The following USP37 variants were observed in gnomAD, a reference collection of about 807,000 sequenced individuals.
USP37 encodes the protein ubiquitin carboxyl-terminal hydrolase 37.
Under a neutral mutation model 124.0 loss-of-function variants are expected in USP37, and 27 were observed. The observed-to-expected ratio is 0.22, with a 90% CI of 0.16 to 0.30. The LOEUF (loss-of-function observed/expected upper bound fraction) is 0.30, where lower values mean the gene tolerates loss of function less well. USP37 is among the 10% of genes least tolerant of loss of function. The pLI is 1.00. For missense variants in USP37, 889 were observed against 1,140.4 expected, an observed-to-expected ratio of 0.78 and a Z score of 3.17; for synonymous variants, 365 against 388.0, an observed-to-expected ratio of 0.94 and a Z score of 0.70.
At chr2:218,521,781 A>G (rs1690635232) in intron 10 of USP37, among the ~76,000 whole-genome samples, 2 of 152,280 alleles carry the variant, frequency 1.3e-5, no homozygotes, top group East Asian at 3.9e-4. Flanking sequence ...AGTAGTCCCC[A>G]TATATGCACA....
intron 21 of USP37, 32 bp from the exon 22 acceptor site, chr2:218,463,398 TAA>T: frequency 6.3e-7 from 1 of 1,599,132 alleles, no homozygotes; most frequent in Non-Finnish European, 8.6e-7. Context: ...CTAAGGTATT[TAA>T]AGAGGTACTG....
intron 9 of USP37, among the ~76,000 whole-genome samples, chr2:218,531,384 T>C (rs1691309909): frequency 6.6e-6 from 1 of 152,244 alleles, no homozygotes; most frequent in Non-Finnish European, 1.5e-5. Context: ...ATTTAATCAA[T>C]ATTTTAAGCC....
intron 20 of USP37, among the ~76,000 whole-genome samples, chr2:218,472,508 G>C (rs984973646): frequency 6.6e-6 from 1 of 151,464 alleles, no homozygotes; most frequent in Non-Finnish European, 1.5e-5. Context: ...TTGTTGCCCA[G>C]GATGAAGTAC....
At chr2:218,465,352 G>A (rs750626588) in intron 21 of USP37, among the ~76,000 whole-genome samples, 30 of 150,644 alleles carry the variant, frequency 2.0e-4, no homozygotes, top group Non-Finnish European at 3.2e-4. Flanking sequence ...CAAAAGGGGA[G>A]GAGTGCTTCA....
chr2:218,491,760 T>C (rs900150122), intron 14 of USP37, among the ~76,000 whole-genome samples: 1 of 152,088 alleles, frequency 6.6e-6, no homozygotes, highest in Non-Finnish European at 1.5e-5. Flanking sequence ...GTATGTTAGA[T>C]AGTGATATAT....
At chr2:218,534,142 A>G (rs995335817) in intron 9 of USP37, among the ~76,000 whole-genome samples, 2 of 152,242 alleles carry the variant, frequency 1.3e-5, no homozygotes, top group African/African-American at 4.8e-5. Context: ...TGGATTTCTA[A>G]TACTTTAAAA....
chr2:218,546,392 T>TGAAGGACAGGAAATAATACA, intron 7 of USP37, 94 bp from the exon 8 acceptor site: 1 of 768,574 alleles, frequency 1.3e-6, no homozygotes, highest in Non-Finnish European at 2.1e-6. Flanking sequence ...GAAATGGGAC[T>TGAAGGACAGGAAATAATACA]ACTATTATCT....
At chr2:218,557,333 C>T (rs1188066814) in intron 4 of USP37, among the ~76,000 whole-genome samples, 2 of 151,864 alleles carry the variant, frequency 1.3e-5, no homozygotes, top group African/African-American at 2.4e-5. Flanking sequence ...TACTCACTGC[C>T]AAATTGGGCT....
intron 10 of USP37, among the ~76,000 whole-genome samples, chr2:218,524,832 A>C (rs991691470): frequency 6.6e-6 from 1 of 152,026 alleles, no homozygotes; most frequent in Admixed American, 6.6e-5. Flanking sequence ...CTGGTCTCGA[A>C]CTCCTGACCT....
intron 18 of USP37, among the ~76,000 whole-genome samples, chr2:218,477,182 T>C (rs10498059): frequency 0.034 from 5,205 of 152,350 alleles, 119 homozygotes; most frequent in East Asian, 0.12. Flanking sequence ...ACAACTCTTA[T>C]GCTACTACGT....
chr2:218,490,959 G>A (rs1045815476), intron 14 of USP37, among the ~76,000 whole-genome samples: 2 of 152,054 alleles, frequency 1.3e-5, no homozygotes, highest in African/African-American at 4.8e-5. Context: ...CTACAGCCTC[G>A]ACCTCCCAGG....
At position 218,562,665 on chromosome 2, in the gene USP37, T is replaced by A; in HGVS notation, c.-89+8A>T. 1 of 398,410 alleles carries A rather than the reference T, an allele frequency of 2.5e-6. No individual in the cohort carries two copies. The highest frequency in any genetic ancestry group is 4.4e-6 in the Non-Finnish European group (1 of 225,976). 24.7% of individuals were successfully genotyped at this position (398,410 alleles called of 1,614,324 possible). ...GAAACATATATCCAAAACAAAAACA[T>A]TACTTACTTTTCAGTGACTTTTACC... On this transcript the variant is annotated splice_region_variant and intron_variant, in intron 2 of 25. Transcript: ENST00000258399.
At chr2:218,527,371 A>G (rs770663627) in intron 10 of USP37, among the ~76,000 whole-genome samples, 2 of 152,180 alleles carry the variant, frequency 1.3e-5, no homozygotes, top group Non-Finnish European at 2.9e-5. Context: ...GAGCTATTCT[A>G]AACACCCAGC....
chr2:218,454,388 T>C lies in USP37; in HGVS notation c.*542A>G, dbSNP rs899735005. 6.5e-6 allele frequency: 1 copy of C among 152,688 alleles called. No homozygotes were observed. Among genetic ancestry groups the C allele is most frequent in the Non-Finnish European group, 1.5e-5 (1 of 68,082 alleles). The allele number at this position is 152,688 out of a possible 1,614,324, so 9.5% of individuals were successfully genotyped here. A position where few individuals can be genotyped will look rare whatever the true frequency, so the allele number is the denominator to read the frequency against. ...CATTAGTGTAACATGAAGAGCTGGC[T>C]TTCCAGTGAATTTTACTAATAAGGA... On this transcript the variant is annotated 3_prime_UTR_variant, in exon 26 of 26. Coordinates refer to ENST00000258399, the MANE Select transcript of USP37 (RefSeq NM_020935.3).
chr2:218,537,297 G>C (rs999554401), intron 8 of USP37, among the ~76,000 whole-genome samples: 4 of 152,180 alleles, frequency 2.6e-5, no homozygotes, highest in Non-Finnish European at 5.9e-5. Context: ...CTGACCCTAA[G>C]TCTAAAGGTG....
intron 10 of USP37, among the ~76,000 whole-genome samples, chr2:218,521,137 C>T (rs1690590348): frequency 6.6e-6 from 1 of 152,110 alleles, no homozygotes; most frequent in South Asian, 2.1e-4. Context: ...TTCTAAGTTC[C>T]CTGTGGCCTC....
intron 6 of USP37, among the ~76,000 whole-genome samples, chr2:218,549,235 G>A (rs753623402): frequency 5.9e-5 from 9 of 151,870 alleles, no homozygotes; most frequent in Non-Finnish European, 1.0e-4. Context: ...CAATAAAAAT[G>A]TCCCCCAAAA....
chr2:218,460,707 C>G (rs904533691), intron 22 of USP37, among the ~76,000 whole-genome samples: 1 of 152,052 alleles, frequency 6.6e-6, no homozygotes, highest in Non-Finnish European at 1.5e-5. Context: ...CTTTGGGAGG[C>G]TGAGGTGGGC....
At chr2:218,514,098 C>T (rs540792904) in intron 10 of USP37, among the ~76,000 whole-genome samples, 33 of 152,222 alleles carry the variant, frequency 2.2e-4, no homozygotes, top group Non-Finnish European at 2.8e-4. Context: ...GGATTACAGG[C>T]GTGAGTCACT....
Sources: allele counts gnomAD v4.1 joint callset (sites outside exome capture counted in the v4.1 genomes callset), GRCh38; gene constraint gnomAD v4.1.1; transcripts MANE v1.5; gene names NCBI Gene and HGNC (gene_info 2026-07-23, HGNC 2026-07-21).